Variants in UTRN observed in about 807,000 individuals in gnomAD.
UTRN encodes utrophin.
UTRN carries 283 observed loss-of-function variants against 463.9 expected under a neutral mutation model. That is an observed-to-expected ratio of 0.61 (90% CI 0.55 to 0.67). UTRN has a LOEUF of 0.67. Among genes scored for constraint, UTRN ranks in the 30% least tolerant of loss-of-function variants. The probability of loss-of-function intolerance (pLI) is 0.00; values close to 1 mark genes in which losing one functional copy is unlikely to be tolerated. For synonymous variants in UTRN, 1,442 were observed against 1,431.5 expected (o/e 1.01, Z -0.17); for missense variants, 3,922 against 4,084.3 (o/e 0.96, Z 1.08).
chr6:144,388,490 T>A (rs1352157115), intron 2 of UTRN, among the ~76,000 whole-genome samples: 1 of 149,718 alleles, frequency 6.7e-6, no homozygotes, highest in Admixed American at 6.7e-5. Flanking sequence ...TATTATTTAT[T>A]TATTTATTTA....
chr6:144,852,754 G>A lies in UTRN; in HGVS notation c.*1757G>A, dbSNP rs1468089768. ...GCTCTCAACTCCAAGTTGTAGATTTGGTGTCTTCCTTGTTCTTACTTTAAA... is the reference window on the plus strand; with the variant it reads ...GCTCTCAACTCCAAGTTGTAGATTTAGTGTCTTCCTTGTTCTTACTTTAAA... On this transcript the variant is annotated 3_prime_UTR_variant, in exon 75 of 75. Coordinates refer to ENST00000367545, the MANE Select transcript of UTRN (RefSeq NM_007124.3). 1 of 152,374 alleles carries A rather than the reference G, an allele frequency of 6.6e-6. No individual in the cohort carries two copies. The highest frequency in any genetic ancestry group is 1.5e-5 in the Non-Finnish European group (1 of 67,958). The allele number at this position is 152,374 out of a possible 1,614,324, so 9.4% of individuals were successfully genotyped here.
chr6:144,456,866 A>AG (rs1788885985), intron 19 of UTRN, among the ~76,000 whole-genome samples: 5 of 152,108 alleles, frequency 3.3e-5, no homozygotes, highest in Non-Finnish European at 5.9e-5. Flanking sequence ...TAAGCATATA[A>AG]GCCCAGGAAG....
intron 35 of UTRN, among the ~76,000 whole-genome samples, chr6:144,512,049 T>A (rs1188163692): frequency 6.6e-6 from 1 of 152,162 alleles, no homozygotes; most frequent in Non-Finnish European, 1.5e-5. Context: ...TTGCTCTTGA[T>A]CTCTAACAGA....
chr6:144,392,668 T>C (rs1782041881), intron 2 of UTRN, among the ~76,000 whole-genome samples: 1 of 152,194 alleles, frequency 6.6e-6, no homozygotes, highest in Non-Finnish European at 1.5e-5. Context: ...TGGAATGTTA[T>C]ACTGGCTTGG....
chr6:144,474,887 A>G, intron 25 of UTRN, 128 bp downstream of exon 25: 2 of 1,093,656 alleles, frequency 1.8e-6, no homozygotes, highest in Admixed American at 5.5e-5. Context: ...CAGCATGGGT[A>G]GTGAGCTGGG....
intron 50 of UTRN, among the ~76,000 whole-genome samples, chr6:144,565,418 A>G (rs958726914): frequency 6.6e-6 from 1 of 152,166 alleles, no homozygotes; most frequent in African/African-American, 2.4e-5. Flanking sequence ...TTGGAGGTTG[A>G]ACATGTGGGA....
chr6:144,522,198 T>G lies in UTRN; in HGVS notation c.5733+27T>G. 9 of 1,438,774 alleles carry G rather than the reference T, an allele frequency of 6.3e-6. No homozygotes were observed. In the East Asian group the frequency reaches 8.1e-5, roughly 13 times the overall value. The allele number at this position is 1,438,774 out of a possible 1,614,324, so 89.1% of individuals were successfully genotyped here. A position where few individuals can be genotyped will look rare whatever the true frequency, so the allele number is the denominator to read the frequency against. ...TAGACCTCTGGGCACTGTGTTTGAA[T>G]GGCCACAGTTAATGTAGAAGTAGAG... On this transcript the variant is annotated intron_variant, in intron 40 of 74. Coordinates refer to ENST00000367545, the MANE Select transcript of UTRN (RefSeq NM_007124.3).
chr6:144,846,788 TTTG>T lies in UTRN; in HGVS notation c.10271-14_10271-12del. On this transcript the variant is annotated splice_polypyrimidine_tract_variant and intron_variant, in intron 73 of 74. Transcript: ENST00000367545. The stretch of plus-strand genomic sequence containing the variant: ...ACAGGACTGCCATTAAGTGATTTCT[TTTG>T]TTTTCTCTTTCAGCAAATGTTCCCA... 1 of 1,614,036 alleles carries T rather than the reference TTTG, an allele frequency of 6.2e-7. No individual in the cohort carries two copies. Among genetic ancestry groups the T allele is most frequent in the East Asian group, 2.2e-5 (1 of 44,840 alleles).
chr6:144,620,394 G>A (rs1775231223), intron 51 of UTRN, among the ~76,000 whole-genome samples: 1 of 151,970 alleles, frequency 6.6e-6, no homozygotes, highest in South Asian at 2.1e-4. Context: ...GGCTCCATCT[G>A]CTTAATTGGT....
At chr6:144,688,057 T>G (rs1236645178) in intron 52 of UTRN, among the ~76,000 whole-genome samples, 1 of 152,198 alleles carries the variant, frequency 6.6e-6, no homozygotes, top group Non-Finnish European at 1.5e-5. Flanking sequence ...TCATTCTTTT[T>G]TCTTTAATTT....
chr6:144,765,416 A>G (rs1033109937), intron 58 of UTRN, among the ~76,000 whole-genome samples: 2 of 151,938 alleles, frequency 1.3e-5, no homozygotes, highest in African/African-American at 4.8e-5. Context: ...AATTACTTTA[A>G]GTGTATTTTG....
chr6:144,352,275 C>CT (rs762456322), intron 2 of UTRN, among the ~76,000 whole-genome samples: 2 of 152,094 alleles, frequency 1.3e-5, no homozygotes, highest in Non-Finnish European at 2.9e-5. Flanking sequence ...AAAGTAGAAT[C>CT]TTTTTTGTGT....
chr6:144,332,365 T>C (rs1338292179), intron 2 of UTRN, among the ~76,000 whole-genome samples: 1 of 152,118 alleles, frequency 6.6e-6, no homozygotes, highest in Non-Finnish European at 1.5e-5. Flanking sequence ...AATGAATGAA[T>C]GAGTGAATGA....
In UTRN at chr6:144,533,171, G is replaced by A; in HGVS notation, c.6144G>A (p.Gln2048=). The part of the protein sequence containing the change: ...TGDGIVQKLS[Q]ADGSFLKEKL... ...ATGGGATTGTGCAGAAACTCTCCCA[G>A]GCAGATGGAAGCTTCTTGAAAGAAA... Residue 2048 remains glutamine (Q), a synonymous_variant, in exon 43 of 75, where the codon CAG becomes CAA. Transcript: ENST00000367545. 3 of 1,614,118 alleles carry A rather than the reference G, an allele frequency of 1.9e-6. No homozygotes were observed. Among genetic ancestry groups the A allele is most frequent in the Non-Finnish European group, 2.5e-6 (3 of 1,180,002 alleles).
intron 14 of UTRN, 61 bp downstream of exon 14, chr6:144,444,443 G>A: frequency 4.6e-6 from 6 of 1,307,158 alleles, no homozygotes; most frequent in Non-Finnish European, 5.2e-6. Flanking sequence ...ATCTTTTATT[G>A]TGACTTTAGA....
Position 144,527,552 on chromosome 6 carries a change from G to A in UTRN, c.5907-3500G>A, listed in dbSNP as rs967664602. On this transcript the variant is annotated intron_variant, in intron 41 of 74. Transcript: ENST00000367545. ...TTTGGATATCTAGATCTCTAGCAAA[G>A]CCGGGAGGTTTTCCTCAATTATTCC... Among the ~76,000 whole-genome samples the A allele has an allele frequency of 4.6e-5, 7 of 152,214 alleles. No individual in the cohort carries two copies. In the South Asian group the frequency reaches 1.4e-3, roughly 32 times the overall value.
chr6:144,714,939 C>T (rs1196437117), intron 53 of UTRN, among the ~76,000 whole-genome samples: 4 of 152,156 alleles, frequency 2.6e-5, no homozygotes, highest in African/African-American at 9.7e-5. Context: ...ACTGGTAGCT[C>T]TTTCTCAGTT....
At chr6:144,346,879 TATCTATCTATCTATCTATCTATCTATC>T (rs1415836134) in intron 2 of UTRN, among the ~76,000 whole-genome samples, 4 of 134,668 alleles carry the variant, frequency 3.0e-5, no homozygotes, top group African/African-American at 1.1e-4. Flanking sequence ...ATGTATCATC[TATCTATCTATCTATCTATCTATCTATC>T]ATCTATCTAT....
chr6:144,746,481 T>A (rs1586354487), intron 54 of UTRN, among the ~76,000 whole-genome samples: 1 of 152,050 alleles, frequency 6.6e-6, no homozygotes, highest in South Asian at 2.1e-4. Context: ...CTTATTTTTT[T>A]ATTTTTATTT....
Sources: allele counts gnomAD v4.1 joint callset (sites outside exome capture counted in the v4.1 genomes callset), GRCh38; gene constraint gnomAD v4.1.1; transcripts MANE v1.5; gene names NCBI Gene and HGNC (gene_info 2026-07-23, HGNC 2026-07-21).